The following ANKFN1 variants were observed in gnomAD, a reference collection of about 807,000 sequenced individuals.
The protein encoded by ANKFN1 is ankyrin repeat and fibronectin type-III domain-containing protein 1.
Under a neutral mutation model 108.7 loss-of-function variants are expected in ANKFN1, and 74 were observed. The observed-to-expected ratio is 0.68, with a 90% confidence interval of 0.56 to 0.83. The LOEUF is 0.83. ANKFN1 is among the 40% of genes least tolerant of loss of function. ANKFN1 has a pLI of 0.00. For missense variants in ANKFN1, 1,505 were observed against 1,382.3 expected (o/e 1.09, Z -1.41); for synonymous variants, 547 against 516.2 (o/e 1.06, Z -0.81).
chr17:56,411,930 G>A (rs188025467), intron 8 of ANKFN1, among the ~76,000 whole-genome samples: 41 of 152,218 alleles, frequency 2.7e-4, no homozygotes, highest in Admixed American at 2.2e-3. Flanking sequence ...ATTCATCAGG[G>A]ACATTGGCCT....
chr17:56,048,942 A>G (rs1474872675), intron 4 of ANKFN1, among the ~76,000 whole-genome samples: 1 of 152,198 alleles, frequency 6.6e-6, no homozygotes, highest in Non-Finnish European at 1.5e-5. Flanking sequence ...AGCAAAGGTA[A>G]TCAGGGGAAA....
intron 3 of ANKFN1, among the ~76,000 whole-genome samples, chr17:56,232,902 T>C (rs940280936): frequency 2.0e-5 from 3 of 152,132 alleles, no homozygotes; most frequent in Admixed American, 2.0e-4. Context: ...TTTGTAGCAT[T>C]GTAGAGTTAA....
intron 4 of ANKFN1, among the ~76,000 whole-genome samples, chr17:56,066,778 T>C (rs1371365886): frequency 6.6e-6 from 1 of 152,224 alleles, no homozygotes; most frequent in Non-Finnish European, 1.5e-5. Context: ...ACTTTCTTGC[T>C]CTGAATTTCA....
intron 4 of ANKFN1, among the ~76,000 whole-genome samples, chr17:56,058,898 T>C (rs1288664530): frequency 6.6e-6 from 1 of 152,242 alleles, no homozygotes; most frequent in Admixed American, 6.5e-5. Flanking sequence ...TAAGCATATG[T>C]GTGCATGTGT....
intron 1 of ANKFN1, among the ~76,000 whole-genome samples, chr17:56,180,983 T>C (rs1156477935): frequency 6.6e-6 from 1 of 152,206 alleles, no homozygotes; most frequent in African/African-American, 2.4e-5. Context: ...CATGTTGCCT[T>C]ACATTATGTG....
At chr17:56,275,048 G>A (rs1015763065) in intron 3 of ANKFN1, among the ~76,000 whole-genome samples, 5 of 152,238 alleles carry the variant, frequency 3.3e-5, no homozygotes, top group Non-Finnish European at 4.4e-5. Flanking sequence ...TTGCCTCCTC[G>A]TTTTTACTGG....
intron 4 of ANKFN1, among the ~76,000 whole-genome samples, chr17:56,069,036 T>C (rs1451177271): frequency 6.6e-6 from 1 of 152,214 alleles, no homozygotes; most frequent in Non-Finnish European, 1.5e-5. Flanking sequence ...AGATTATTAG[T>C]GCCTCATTAT....
chr17:56,396,257 G>C lies in ANKFN1; in HGVS notation c.910+21543G>C, dbSNP rs149554631. On this transcript the variant is annotated intron_variant, in intron 8 of 20. Coordinates refer to ENST00000682825, the MANE Select transcript of ANKFN1 (RefSeq NM_001370326.1). The stretch of plus-strand genomic sequence containing the variant: ...GAGGTCAGAAGTTCAACAGCAGCCT[G>C]GCCAACATGGTGAAACCCCGTCTCT... Among the ~76,000 whole-genome samples, 588 of 152,282 alleles carry C rather than the reference G, an allele frequency of 3.9e-3. 2 individuals are homozygous for C. The highest frequency in any genetic ancestry group is 0.013 in the African/African-American group (543 of 41,564).
chr17:56,197,323 G>T (rs1279486098), intron 1 of ANKFN1, among the ~76,000 whole-genome samples: 1 of 152,146 alleles, frequency 6.6e-6, no homozygotes, highest in African/African-American at 2.4e-5. Flanking sequence ...ACTGAGAAAA[G>T]AAAACATAGA....
chr17:56,301,823 G>A (rs1455498410), intron 3 of ANKFN1, among the ~76,000 whole-genome samples: 2 of 152,158 alleles, frequency 1.3e-5, no homozygotes, highest in African/African-American at 4.8e-5. Flanking sequence ...TTGGATCTTG[G>A]AAGAGAATAG....
At chr17:56,189,170 C>T (rs368641248) in intron 1 of ANKFN1, among the ~76,000 whole-genome samples, 21 of 85,236 alleles carry the variant, frequency 2.5e-4, no homozygotes, top group East Asian at 9.9e-4. Flanking sequence ...GTTGCCCTGA[C>T]TTTTTTTTTT....
chr17:56,270,975 A>C (rs2043777912), intron 3 of ANKFN1, among the ~76,000 whole-genome samples: 1 of 151,926 alleles, frequency 6.6e-6, no homozygotes, highest in African/African-American at 2.4e-5. Context: ...ACCTAAAATT[A>C]TTTTAATTGT....
At chr17:56,200,536 C>A (rs898286914) in intron 1 of ANKFN1, among the ~76,000 whole-genome samples, 8 of 152,158 alleles carry the variant, frequency 5.3e-5, no homozygotes, top group African/African-American at 1.9e-4. Context: ...TAAAAGAGAG[C>A]AATTCTATTT....
intron 4 of ANKFN1, among the ~76,000 whole-genome samples, chr17:56,081,210 G>A (rs1905241532): frequency 1.3e-5 from 2 of 152,190 alleles, no homozygotes; most frequent in Admixed American, 1.3e-4. Flanking sequence ...TAGAACAGGA[G>A]TGAAAGTTTA....
intron 4 of ANKFN1, among the ~76,000 whole-genome samples, chr17:56,127,958 T>C (rs1048658682): frequency 1.3e-5 from 2 of 152,210 alleles, no homozygotes; most frequent in Non-Finnish European, 2.9e-5. Flanking sequence ...GCACCTGCTA[T>C]GTAATAGCAA....
At chr17:56,501,824 A>T (rs913636380) in intron 20 of ANKFN1, among the ~76,000 whole-genome samples, 6 of 152,244 alleles carry the variant, frequency 3.9e-5, no homozygotes, top group Non-Finnish European at 7.3e-5. Context: ...GAGTAGTGGC[A>T]CAGAATCAAA....
intron 20 of ANKFN1, among the ~76,000 whole-genome samples, chr17:56,509,079 G>A (rs1255989007): frequency 6.6e-6 from 1 of 152,094 alleles, no homozygotes; most frequent in Non-Finnish European, 1.5e-5. Flanking sequence ...TCCTTTTATT[G>A]GTAGCCATTA....
At chr17:56,391,368 ATG>A (rs199687714) in intron 8 of ANKFN1, among the ~76,000 whole-genome samples, 3,061 of 128,592 alleles carry the variant, frequency 0.024, 64 homozygotes, top group South Asian at 0.053. Context: ...ACATATATAT[ATG>A]TGTGTGTGTG....
intron 1 of ANKFN1, among the ~76,000 whole-genome samples, chr17:56,205,751 A>C (rs1914481400): frequency 6.6e-6 from 1 of 152,162 alleles, no homozygotes; most frequent in Non-Finnish European, 1.5e-5. Context: ...TAGAGTGTTA[A>C]AATTTCTTTC....
Sources: allele counts gnomAD v4.1 joint callset (sites outside exome capture counted in the v4.1 genomes callset), GRCh38; gene constraint gnomAD v4.1.1; transcripts MANE v1.5; gene names NCBI Gene and HGNC (gene_info 2026-07-23, HGNC 2026-07-21).